SAMD12: variants seen among roughly 807,000 people sequenced by gnomAD.
SAMD12 encodes sterile alpha motif domain containing 12.
SAMD12 carries 9 observed loss-of-function variants against 15.0 expected under a neutral mutation model. The observed-to-expected ratio is 0.60, with a 90% CI of 0.36 to 1.05. The LOEUF is 1.05. Among genes scored for constraint, SAMD12 ranks in the 50% least tolerant of loss-of-function variants. The probability of loss-of-function intolerance (pLI) is 0.01; values close to 1 mark genes in which losing one functional copy is unlikely to be tolerated. For synonymous variants in SAMD12, 86 were observed against 90.1 expected, an observed-to-expected ratio of 0.96 and a Z score of 0.25; for missense variants, 230 against 234.2, an observed-to-expected ratio of 0.98 and a Z score of 0.12.
chr8:118,507,796 G>A (rs1487116052), intron 2 of SAMD12, among the ~76,000 whole-genome samples: 1 of 151,922 alleles, frequency 6.6e-6, no homozygotes, highest in Non-Finnish European at 1.5e-5. Flanking sequence ...GAGTGATGCC[G>A]ACTTTTTCTA....
chr8:118,317,772 A>G (rs1467126432), intron 4 of SAMD12, among the ~76,000 whole-genome samples: 1 of 152,144 alleles, frequency 6.6e-6, no homozygotes, highest in African/African-American at 2.4e-5. Context: ...TTCAATGAAA[A>G]TGTTTTAGTG....
the SAMD12 span, among the ~76,000 whole-genome samples, chr8:118,144,338 T>A: frequency 1.3e-5 from 2 of 152,228 alleles, no homozygotes; most frequent in African/African-American, 4.8e-5. Context: ...CTCCCACTTC[T>A]ATTATTGCAC....
intron 4 of SAMD12, among the ~76,000 whole-genome samples, chr8:118,325,579 T>C (rs1816528556): frequency 6.6e-6 from 1 of 152,200 alleles, no homozygotes; most frequent in African/African-American, 2.4e-5. Flanking sequence ...TTTTTGTGTG[T>C]GTGGCAAGAA....
At chr8:118,539,922 A>T (rs575943368) in intron 2 of SAMD12, among the ~76,000 whole-genome samples, 3 of 150,848 alleles carry the variant, frequency 2.0e-5, no homozygotes, top group East Asian at 1.9e-4. Context: ...TCTGGTTGAG[A>T]TGATGCATTT....
chr8:118,318,484 A>G (rs889626309), intron 4 of SAMD12, among the ~76,000 whole-genome samples: 3 of 151,636 alleles, frequency 2.0e-5, no homozygotes, highest in Non-Finnish European at 2.9e-5. Flanking sequence ...CCAAATACCC[A>G]TATGTTCTCA....
At chr8:118,597,837 T>C (rs1228822018) in intron 1 of SAMD12, among the ~76,000 whole-genome samples, 1 of 152,226 alleles carries the variant, frequency 6.6e-6, no homozygotes, top group Non-Finnish European at 1.5e-5. Context: ...GGTACTCTGT[T>C]ATTTAATGGC....
At chr8:118,266,371 A>G (rs974330107) in intron 4 of SAMD12, among the ~76,000 whole-genome samples, 3 of 152,086 alleles carry the variant, frequency 2.0e-5, no homozygotes, top group Admixed American at 6.6e-5. Flanking sequence ...AGAAAGGAAA[A>G]CCCTTGCACA....
At chr8:118,560,189 T>C (rs146342176) in intron 2 of SAMD12, among the ~76,000 whole-genome samples, 1,712 of 152,320 alleles carry the variant, frequency 0.011, 44 homozygotes, top group African/African-American at 0.037. Flanking sequence ...TTAAGATAAT[T>C]GTTTCTTTAA....
chr8:118,393,352 C>T (rs550319450), intron 3 of SAMD12, among the ~76,000 whole-genome samples: 9 of 151,676 alleles, frequency 5.9e-5, no homozygotes, highest in African/African-American at 1.5e-4. Flanking sequence ...CCACCATGGC[C>T]GGCTAGGTGT....
the SAMD12 span, among the ~76,000 whole-genome samples, chr8:118,170,105 T>A: frequency 6.6e-6 from 1 of 152,160 alleles, no homozygotes; most frequent in Non-Finnish European, 1.5e-5. Context: ...ATCAGTTTAT[T>A]ATAGACTTGG....
chr8:118,575,345 G>A (rs1827120317), intron 2 of SAMD12, among the ~76,000 whole-genome samples: 1 of 152,186 alleles, frequency 6.6e-6, no homozygotes, highest in South Asian at 2.1e-4. Context: ...CAGCAATCAA[G>A]ATTTGCTGTT....
the SAMD12 span, among the ~76,000 whole-genome samples, chr8:118,136,050 A>T: frequency 0.39 from 59,347 of 150,364 alleles, 13,030 homozygotes; most frequent in Middle Eastern, 0.53. Flanking sequence ...TTTTTTTTAG[A>T]CAGAGTCTCA....
chr8:118,329,372 AATT>A (rs1257440329), intron 4 of SAMD12, among the ~76,000 whole-genome samples: 6 of 152,156 alleles, frequency 3.9e-5, no homozygotes, highest in East Asian at 3.8e-4. Flanking sequence ...TTATGATTAA[AATT>A]ATTATAAATG....
chr8:118,570,735 C>G (rs762828277), intron 2 of SAMD12, among the ~76,000 whole-genome samples: 15 of 152,168 alleles, frequency 9.9e-5, no homozygotes, highest in Non-Finnish European at 2.1e-4. Context: ...TATGAGATTC[C>G]CGGGTCATAT....
At chr8:118,522,712 C>G (rs1825422458) in intron 2 of SAMD12, among the ~76,000 whole-genome samples, 1 of 152,226 alleles carries the variant, frequency 6.6e-6, no homozygotes, top group East Asian at 1.9e-4. Flanking sequence ...TGAAATGCAT[C>G]TGAACAAACC....
chr8:118,559,673 T>C (rs1826651229), intron 2 of SAMD12, among the ~76,000 whole-genome samples: 1 of 152,210 alleles, frequency 6.6e-6, no homozygotes, highest in African/African-American at 2.4e-5. Flanking sequence ...TACAAGTGTT[T>C]GCTGTAATTA....
chr8:118,571,634 G>A (rs541517697), intron 2 of SAMD12, among the ~76,000 whole-genome samples: 32 of 152,300 alleles, frequency 2.1e-4, no homozygotes, highest in Admixed American at 3.9e-4. Flanking sequence ...GCTGAAAGGA[G>A]CCAACACAGA....
At chr8:118,562,688 G>A (rs1422342358) in intron 2 of SAMD12, among the ~76,000 whole-genome samples, 1 of 152,186 alleles carries the variant, frequency 6.6e-6, no homozygotes, top group Non-Finnish European at 1.5e-5. Context: ...CAGCATGCAC[G>A]ATGCAGTAAA....
chr8:118,381,223 C>T (rs991713032), intron 3 of SAMD12, among the ~76,000 whole-genome samples: 8 of 152,144 alleles, frequency 5.3e-5, no homozygotes, highest in South Asian at 2.1e-4. Context: ...CTTGGATGTG[C>T]GGTGGTTGGG....
Sources: allele counts gnomAD v4.1 joint callset (sites outside exome capture counted in the v4.1 genomes callset), GRCh38; gene constraint gnomAD v4.1.1; transcripts MANE v1.5; gene names NCBI Gene and HGNC (gene_info 2026-07-23, HGNC 2026-07-21).